PIK3R6: variants seen among roughly 807,000 people sequenced by gnomAD.
The protein encoded by PIK3R6 is phosphoinositide 3-kinase regulatory subunit 6.
Under a neutral mutation model 84.9 loss-of-function variants are expected in PIK3R6, and 91 were observed. The observed-to-expected ratio is 1.07, with a 90% confidence interval of 0.90 to 1.28. The LOEUF (loss-of-function observed/expected upper bound fraction) is 1.28, where lower values mean the gene tolerates loss of function less well. Among genes scored for constraint, PIK3R6 ranks in the 50% most tolerant of loss-of-function variants. PIK3R6 has a pLI of 0.00. For synonymous variants in PIK3R6, 416 were observed against 411.4 expected (o/e 1.01, Z -0.13); for missense variants, 996 against 985.1 (o/e 1.01, Z -0.15).
At chr17:8,812,043 A>G (rs530307955) in intron 18 of PIK3R6, among the ~76,000 whole-genome samples, 1 of 152,318 alleles carries the variant, frequency 6.6e-6, no homozygotes, top group African/African-American at 2.4e-5. Context: ...AGGCCTCACA[A>G]TCATGGCAGA....
chr17:8,829,195 A>AGACG (rs3884449), intron 10 of PIK3R6, among the ~76,000 whole-genome samples: 2 of 139,030 alleles, frequency 1.4e-5, no homozygotes, highest in Admixed American at 7.3e-5. Context: ...ACAGACATAC[A>AGACG]CACACGTGCA....
At chr17:8,855,117 C>T (rs577286828) in intron 1 of PIK3R6, among the ~76,000 whole-genome samples, 2 of 152,000 alleles carry the variant, frequency 1.3e-5, no homozygotes, top group East Asian at 3.9e-4. Context: ...CACTTGAACC[C>T]GGGCAGCAGA....
intron 1 of PIK3R6, among the ~76,000 whole-genome samples, chr17:8,867,225 T>C (rs565596845): frequency 6.6e-6 from 1 of 152,308 alleles, no homozygotes; most frequent in South Asian, 2.1e-4. Context: ...CATCAATCAT[T>C]AGTCCTATTA....
rs1257374070 is a variant in PIK3R6, at chr17:8,829,726, C to G, written c.869G>C (p.Trp290Ser). Residue 290 changes from tryptophan to serine, a missense_variant, in exon 10 of 20, where the codon TGG (tryptophan) becomes TCG (serine). Coordinates refer to ENST00000619866, the MANE Select transcript of PIK3R6 (RefSeq NM_001010855.4). ...LPSPYITFHL[W>S]TGEEQLWKEL... ...CGTACAGAGCTGCTCCTCACCGGTC[C>G]ACAAGTGGAAGGTGATGTAGGGGCT... The G allele has an allele frequency of 1.3e-6, 2 of 1,553,382 alleles. No homozygotes were observed. The highest frequency in any genetic ancestry group is 1.7e-6 in the Non-Finnish European group (2 of 1,148,118).
At chr17:8,846,470 A>C (rs1420104676) in intron 2 of PIK3R6, among the ~76,000 whole-genome samples, 2 of 152,118 alleles carry the variant, frequency 1.3e-5, no homozygotes, top group African/African-American at 4.8e-5. Context: ...TATAAATTTT[A>C]GAATAGTTTT....
chr17:8,851,077 T>C (rs1327181778), intron 1 of PIK3R6, among the ~76,000 whole-genome samples: 2 of 151,908 alleles, frequency 1.3e-5, no homozygotes, highest in African/African-American at 4.8e-5. Flanking sequence ...CTCAGTTTAT[T>C]GGACAAGGCC....
In PIK3R6 at chr17:8,821,846, C is replaced by T. The variant is rs760252888; in HGVS notation, c.1879G>A (p.Val627Ile). ...TTGCTCTGCATTCCCCATTCCTCAC[C>T]TTCTGTGTCGCTGGCTGGAATGGCC... is the stretch of plus-strand genomic sequence containing the variant. ...LKAIPASDTEVSGSSHCPLPA... is the reference protein window; with the variant it reads ...LKAIPASDTEISGSSHCPLPA... The change falls in exon 17 of 20, where the codon GTT becomes ATT. Residue 627 changes from valine (V) to isoleucine (I), a missense_variant and splice_region_variant. Coordinates refer to ENST00000619866, the MANE Select transcript of PIK3R6 (RefSeq NM_001010855.4). 2 of 1,591,278 alleles carry T rather than the reference C, an allele frequency of 1.3e-6. No individual in the cohort carries two copies. The highest frequency in any genetic ancestry group is 1.1e-5 in the South Asian group (1 of 87,242).
chr17:8,837,702 A>T, intron 5 of PIK3R6, 101 bp downstream of exon 5: 4 of 1,028,988 alleles, frequency 3.9e-6, no homozygotes, highest in Non-Finnish European at 5.9e-6. Context: ...GGGATTTTCT[A>T]GGCTCATCCT....
At chr17:8,828,418 G>T in intron 11 of PIK3R6, 149 bp downstream of exon 11, 1 of 1,056,906 alleles carries the variant, frequency 9.5e-7, no homozygotes, top group Non-Finnish European at 1.4e-6. Flanking sequence ...TGTGACGGCT[G>T]CGGGCACTGT....
rs764585463 is a variant in PIK3R6 at position 8,823,431 on chromosome 17, G to A, written c.1582C>T (p.Arg528Cys). The change falls in exon 14 of 20, where the codon CGC (arginine) becomes TGC (cysteine). Residue 528 changes from arginine to cysteine, a missense_variant. Physicochemically the swap from Arg to Cys is radical, Grantham distance 180. Transcript: ENST00000619866. ...AAATAGATGGGTTGGGTGCCCATGC[G>A]GATGTAGTAGGTGATGACGTCTAGG... ...FILDVITYYI[R>C]MGTQPIYFQI... The A allele has an allele frequency of 5.0e-5, 80 of 1,611,832 alleles. 1 individual carries two copies. Among genetic ancestry groups the A allele is most frequent in the South Asian group, 3.0e-4 (27 of 90,950 alleles).
intron 4 of PIK3R6, 32 bp from the exon 5 acceptor site, chr17:8,837,903 G>C: frequency 6.3e-7 from 1 of 1,593,024 alleles, no homozygotes. Flanking sequence ...GACAGGTATT[G>C]GGCTGGGGGA....
intron 1 of PIK3R6, among the ~76,000 whole-genome samples, chr17:8,859,932 G>C (rs1303594312): frequency 2.6e-5 from 4 of 152,006 alleles, no homozygotes; most frequent in African/African-American, 7.3e-5. Context: ...CCACCTCCCA[G>C]TCTCTCTCTC....
At chr17:8,814,611 T>A (rs1315386079) in intron 18 of PIK3R6, among the ~76,000 whole-genome samples, 1 of 150,700 alleles carries the variant, frequency 6.6e-6, no homozygotes, top group Non-Finnish European at 1.5e-5. Context: ...TGAAGAAAAC[T>A]CCCCCAAAAT....
chr17:8,854,175 G>T (rs756973412), intron 1 of PIK3R6, among the ~76,000 whole-genome samples: 1 of 151,674 alleles, frequency 6.6e-6, no homozygotes, highest in Non-Finnish European at 1.5e-5. Flanking sequence ...TTTTGAAACG[G>T]AGTCTTGCTC....
chr17:8,845,292 A>G (rs890618784), intron 2 of PIK3R6, among the ~76,000 whole-genome samples: 7 of 152,340 alleles, frequency 4.6e-5, no homozygotes, highest in Non-Finnish European at 1.0e-4. Context: ...TCTCACCAAC[A>G]GTGTATAAGC....
At chr17:8,853,281 G>T (rs866647293) in intron 1 of PIK3R6, among the ~76,000 whole-genome samples, 4 of 150,418 alleles carry the variant, frequency 2.7e-5, no homozygotes, top group Non-Finnish European at 5.9e-5. Context: ...ATCAGCAGAT[G>T]GAGACCATCC....
chr17:8,846,311 T>C (rs2088814135), intron 2 of PIK3R6, among the ~76,000 whole-genome samples: 1 of 152,226 alleles, frequency 6.6e-6, no homozygotes, highest in Admixed American at 6.5e-5. Flanking sequence ...TTGTGTTCCA[T>C]TGTTTATATG....
At chr17:8,859,835 G>A (rs2089229565) in intron 1 of PIK3R6, among the ~76,000 whole-genome samples, 1 of 152,114 alleles carries the variant, frequency 6.6e-6, no homozygotes, top group Non-Finnish European at 1.5e-5. Context: ...CTAGTTTACA[G>A]ACCACGGATT....
intron 9 of PIK3R6, among the ~76,000 whole-genome samples, 190 bp from the exon 10 acceptor site, chr17:8,829,982 C>T (rs2088178113): frequency 6.6e-6 from 1 of 152,230 alleles, no homozygotes; most frequent in South Asian, 2.1e-4. Context: ...CTGTCCCCTC[C>T]CTGTCCAACA....
Sources: gnomAD v4.1 joint callset for allele counts (sites outside exome capture counted in the v4.1 genomes callset) on GRCh38, gnomAD v4.1.1 for gene constraint, MANE v1.5 for transcripts, NCBI Gene and HGNC (gene_info 2026-07-23, HGNC 2026-07-21) for gene names.